Variants in SORCS2 observed in about 807,000 individuals in gnomAD.
The protein encoded by SORCS2 is sortilin related VPS10 domain containing receptor 2.
In SORCS2, 100 loss-of-function variants were observed where a neutral mutation model predicts 141.6. That is an observed-to-expected ratio of 0.71 (90% confidence interval 0.60 to 0.83). The LOEUF (loss-of-function observed/expected upper bound fraction) is 0.83, where lower values mean the gene tolerates loss of function less well. Ranked by LOEUF, SORCS2 falls within the 40% of genes least tolerant of loss-of-function variation. SORCS2 has a pLI of 0.00. For missense variants in SORCS2, 1,646 were observed against 1,560.2 expected (o/e 1.05, Z -0.93); for synonymous variants, 789 against 676.9 (o/e 1.17, Z -2.57).
intron 2 of SORCS2, among the ~76,000 whole-genome samples, chr4:7,462,745 C>A (rs1382664417): frequency 1.3e-5 from 2 of 151,432 alleles, no homozygotes; most frequent in African/African-American, 4.9e-5. Context: ...GGCCCCAGCC[C>A]CTGTGCACGG....
chr4:7,708,869 G>A (rs1193677636), intron 14 of SORCS2, among the ~76,000 whole-genome samples: 1 of 152,206 alleles, frequency 6.6e-6, no homozygotes, highest in Non-Finnish European at 1.5e-5. Flanking sequence ...AAAATTGGGT[G>A]GGGATAATCA....
intron 3 of SORCS2, among the ~76,000 whole-genome samples, chr4:7,553,005 A>G (rs1336221419): frequency 1.3e-5 from 2 of 152,180 alleles, no homozygotes; most frequent in East Asian, 1.9e-4. Context: ...GTAAGACAAT[A>G]AAAGTTTCAA....
At chr4:7,719,692 T>A (rs1477011647) in intron 18 of SORCS2, among the ~76,000 whole-genome samples, 1 of 152,050 alleles carries the variant, frequency 6.6e-6, no homozygotes, top group Non-Finnish European at 1.5e-5. Context: ...ACCCTCAGAG[T>A]AGACCCCGCT....
intron 4 of SORCS2, among the ~76,000 whole-genome samples, chr4:7,643,285 C>T (rs1170369104): frequency 1.3e-5 from 2 of 152,182 alleles, no homozygotes; most frequent in Non-Finnish European, 2.9e-5. Context: ...GAAGTGAGAG[C>T]CCAGCAGTCC....
In SORCS2 at chr4:7,556,974, C is replaced by T. The variant is rs1034862480; in HGVS notation, c.648+25345C>T. Among the ~76,000 whole-genome samples the T allele has an allele frequency of 8.3e-5, 12 of 144,734 alleles. No homozygotes were observed. In the South Asian group the frequency reaches 2.2e-3, roughly 26 times the overall value. 95.0% of individuals were successfully genotyped at this position (144,734 alleles called of 152,430 possible). The stretch of plus-strand genomic sequence containing the variant: ...ACTCACATATCCATTCATCCAACCA[C>T]CCACCTGTCCATCCGTCCATCTATC... On this transcript the variant is annotated intron_variant, in intron 3 of 26. Coordinates refer to ENST00000507866, the MANE Select transcript of SORCS2 (RefSeq NM_020777.3).
intron 1 of SORCS2, among the ~76,000 whole-genome samples, chr4:7,387,830 GCACATACATA>G (rs1723535912): frequency 2.1e-5 from 1 of 47,478 alleles, no homozygotes; most frequent in Non-Finnish European, 3.7e-5. Context: ...AGATACACAT[GCACATACATA>G]CACATGCACA....
chr4:7,625,184 C>T (rs1245437169), intron 3 of SORCS2, among the ~76,000 whole-genome samples: 1 of 152,130 alleles, frequency 6.6e-6, no homozygotes, highest in Non-Finnish European at 1.5e-5. Flanking sequence ...CCAGCTCTTT[C>T]CTGACAGTCA....
At chr4:7,455,039 CTGTGTGTTGGGGTCAGA>C (rs1728791549) in intron 2 of SORCS2, among the ~76,000 whole-genome samples, 2 of 35,132 alleles carry the variant, frequency 5.7e-5, no homozygotes, top group Non-Finnish European at 1.5e-4. Flanking sequence ...GGGTCAGGTG[CTGTGTGTTGGGGTCAGA>C]TGCTGTGTTG....
intron 19 of SORCS2, 99 bp downstream of exon 19, chr4:7,723,982 C>G: frequency 7.3e-7 from 1 of 1,364,374 alleles, no homozygotes; most frequent in Non-Finnish European, 9.7e-7. Context: ...TTGCTCTAGG[C>G]CCCTGGTACT....
chr4:7,509,999 C>T (rs975419126), intron 2 of SORCS2, among the ~76,000 whole-genome samples: 1 of 152,260 alleles, frequency 6.6e-6, no homozygotes, highest in African/African-American at 2.4e-5. Context: ...TGTCTTCTCT[C>T]TCACCCTTGA....
intron 1 of SORCS2, among the ~76,000 whole-genome samples, chr4:7,391,629 G>T (rs921127720): frequency 6.6e-6 from 1 of 152,176 alleles, no homozygotes; most frequent in African/African-American, 2.4e-5. Flanking sequence ...GAGCGAGCAG[G>T]CCCTTCCCTG....
intron 1 of SORCS2, among the ~76,000 whole-genome samples, chr4:7,362,728 C>T (rs1721651222): frequency 6.6e-6 from 1 of 151,816 alleles, no homozygotes; most frequent in South Asian, 2.1e-4. Context: ...ACCACCAGCA[C>T]TATCACCATC....
chr4:7,689,168 G>A (rs1241564974), intron 10 of SORCS2, among the ~76,000 whole-genome samples: 2 of 152,096 alleles, frequency 1.3e-5, no homozygotes, highest in East Asian at 1.9e-4. Context: ...CGTGAGCAGA[G>A]GCACCACACC....
chr4:7,434,910 C>T, intron 2 of SORCS2: 1 of 1,504,470 alleles, frequency 6.6e-7, no homozygotes, highest in Non-Finnish European at 8.9e-7. Context: ...CTCCAGAGTA[C>T]CCAGCAGTGG....
chr4:7,631,465 C>T (rs565839310), intron 3 of SORCS2, among the ~76,000 whole-genome samples: 1 of 152,010 alleles, frequency 6.6e-6, no homozygotes, highest in South Asian at 2.1e-4. Context: ...CATCTTTTTG[C>T]ACAGTGTCGA....
In SORCS2 at chr4:7,193,214, C is replaced by T. The variant is rs373098290; in HGVS notation, c.480+88C>T. On this transcript the variant is annotated intron_variant, in intron 1 of 26. Transcript: ENST00000507866. This position sits in a 1 kb window ranked among gnomAD's most constrained non-coding sequence, Gnocchi z 4.8. ...GACCGCCACGGCCCCCACCCCAGAT[C>T]CCCACTATGGTCATCAGGGGCGGGT... is the stretch of plus-strand genomic sequence containing the variant. 3.9e-3 allele frequency: 5,327 copies of T among 1,353,866 alleles called. 14 individuals carry two copies. Among genetic ancestry groups the T allele is most frequent in the Middle Eastern group, 5.0e-3 (23 of 4,634 alleles). The allele number at this position is 1,353,866 out of a possible 1,614,324, so 83.9% of individuals were successfully genotyped here.
At chr4:7,527,899 G>A (rs1733796293) in intron 2 of SORCS2, among the ~76,000 whole-genome samples, 1 of 152,172 alleles carries the variant, frequency 6.6e-6, no homozygotes, top group Admixed American at 6.5e-5. Flanking sequence ...GGCAGCCTGG[G>A]GGGCTGAGGA....
At chr4:7,540,587 G>A (rs1712550791) in intron 3 of SORCS2, among the ~76,000 whole-genome samples, 3 of 152,206 alleles carry the variant, frequency 2.0e-5, no homozygotes, top group African/African-American at 7.2e-5. Context: ...CCATGGTGCC[G>A]AGATGCTTTG....
Position 7,725,180 on chromosome 4 carries a change from G to T in SORCS2, c.2638G>T (p.Val880Leu). 1 of 1,613,488 alleles carries T rather than the reference G, an allele frequency of 6.2e-7. No homozygotes were observed. The highest frequency in any genetic ancestry group is 1.1e-5 in the South Asian group (1 of 91,086). ...NSPLQALYLEVVPVIGLNQEV... is the reference protein window; with the variant it reads ...NSPLQALYLELVPVIGLNQEV... The stretch of plus-strand genomic sequence containing the variant: ...CCCCCTGCAGGCCCTCTACCTGGAG[G>T]TGGTTCCTGTCATTGGCCTCAACCA... The change falls in exon 20 of 27, where the codon GTG becomes TTG. Residue 880 changes from valine (V) to leucine (L), a missense_variant. By Grantham distance (32) the Val-to-Leu change is conservative (BLOSUM62 1). Coordinates refer to ENST00000507866, the MANE Select transcript of SORCS2 (RefSeq NM_020777.3).
Sources: gnomAD v4.1 joint callset for allele counts (sites outside exome capture counted in the v4.1 genomes callset) on GRCh38, gnomAD v4.1.1 for gene constraint, Gnocchi (gnomAD v3.1) non-coding constraint, MANE v1.5 for transcripts, NCBI Gene and HGNC (gene_info 2026-07-23, HGNC 2026-07-21) for gene names.